The following CACNA1D variants were observed in gnomAD, a reference collection of about 807,000 sequenced individuals.
The protein encoded by CACNA1D is voltage-dependent L-type calcium channel subunit alpha-1D.
A neutral mutation model predicts 257.1 loss-of-function variants in CACNA1D; 55 were observed. That is an observed-to-expected ratio of 0.21 (90% CI 0.17 to 0.27). The LOEUF (loss-of-function observed/expected upper bound fraction) is 0.27. Among genes scored for constraint, CACNA1D ranks in the 10% least tolerant of loss-of-function variants. The probability of loss-of-function intolerance (pLI) is 1.00; values close to 1 mark genes in which losing one functional copy is unlikely to be tolerated. For missense variants in CACNA1D, 1,876 were observed against 2,784.0 expected (o/e 0.67, Z 7.34); for synonymous variants, 980 against 1,014.9 (o/e 0.97, Z 0.65).
At chr3:53,633,811 T>G (rs77848000) in intron 3 of CACNA1D, among the ~76,000 whole-genome samples, 2,249 of 152,332 alleles carry the variant, frequency 0.015, 24 homozygotes, top group Middle Eastern at 0.027. Flanking sequence ...GATGGTACAG[T>G]TAAGCTATTT....
Position 53,679,767 on chromosome 3 carries a change from G to T in CACNA1D, c.1220+6641G>T, listed in dbSNP as rs528325971. 4 of 152,334 alleles carry T rather than the reference G, an allele frequency of 2.6e-5. No homozygotes were observed. In the East Asian group the frequency reaches 5.8e-4, roughly 22 times the overall value. The allele number at this position is 152,334 out of a possible 1,614,324, so 9.4% of individuals were successfully genotyped here. ...GTCTTTGGTTTGAAGAGGCTAATAC[G>T]TGAAAGATTTGTTCACAGTTGGATG... On this transcript the variant is annotated intron_variant, in intron 8 of 47. Transcript: ENST00000350061.
At chr3:53,581,203 C>T (rs1559872440) in intron 3 of CACNA1D, among the ~76,000 whole-genome samples, 1 of 152,182 alleles carries the variant, frequency 6.6e-6, no homozygotes, top group Non-Finnish European at 1.5e-5. Flanking sequence ...GATATATGCT[C>T]GGATCCCCAT....
intron 3 of CACNA1D, among the ~76,000 whole-genome samples, chr3:53,591,419 A>T (rs1040195841): frequency 2.6e-5 from 4 of 151,866 alleles, no homozygotes; most frequent in African/African-American, 9.7e-5. Context: ...CGCCCCGCTA[A>T]TTTTTTGAAT....
intron 4 of CACNA1D, among the ~76,000 whole-genome samples, chr3:53,655,019 C>T (rs2094134943): frequency 6.6e-6 from 1 of 152,068 alleles, no homozygotes; most frequent in Non-Finnish European, 1.5e-5. Context: ...TTCTTTGTGT[C>T]CATGTGTTCT....
At chr3:53,547,705 G>C (rs565574121) in intron 3 of CACNA1D, among the ~76,000 whole-genome samples, 1 of 152,310 alleles carries the variant, frequency 6.6e-6, no homozygotes, top group South Asian at 2.1e-4. Flanking sequence ...GATTATGGCA[G>C]TGGCCCTTTG....
At chr3:53,536,158 A>G (rs2092109434) in intron 3 of CACNA1D, among the ~76,000 whole-genome samples, 1 of 152,178 alleles carries the variant, frequency 6.6e-6, no homozygotes, top group Admixed American at 6.5e-5. Context: ...GGAAACTTTG[A>G]AAGGACTCAT....
rs760657346 is a variant in CACNA1D at position 53,770,409 on chromosome 3, A to G, written c.3916-15A>G. 28 of 1,613,424 alleles carry G rather than the reference A, an allele frequency of 1.7e-5. No homozygotes were observed. The highest frequency in any genetic ancestry group is 1.1e-4 in the East Asian group (5 of 44,886). ...ACTTTCCATTGGGTTTGACCTCTCCATGATAACCCTTCAGAACTCTGAAGA... is the reference window on the plus strand; with the variant it reads ...ACTTTCCATTGGGTTTGACCTCTCCGTGATAACCCTTCAGAACTCTGAAGA... On this transcript the variant is annotated splice_polypyrimidine_tract_variant and intron_variant, in intron 31 of 47. Transcript: ENST00000350061.
In CACNA1D at chr3:53,647,260, G is replaced by A. The variant is rs141522142; in HGVS notation, c.484-3519G>A. ...GAAATCCCTGCTGGTGGGTGACTGA[G>A]TGCCACAGGTGTGACTCTGCCTGGC... On this transcript the variant is annotated intron_variant, in intron 3 of 47. Coordinates refer to ENST00000350061, the MANE Select transcript of CACNA1D (RefSeq NM_001128840.3). 7.6e-4 allele frequency among the ~76,000 whole-genome samples: 115 copies of A among 152,290 alleles called. No homozygotes were observed. The East Asian group carries it at 0.019, about 25-fold the overall frequency.
intron 3 of CACNA1D, among the ~76,000 whole-genome samples, chr3:53,610,069 C>G (rs929262935): frequency 6.6e-6 from 1 of 152,176 alleles, no homozygotes. Flanking sequence ...CAATCATTGA[C>G]TTTTAATTCC....
intron 9 of CACNA1D, among the ~76,000 whole-genome samples, chr3:53,704,367 C>T (rs2094662261): frequency 6.6e-6 from 1 of 152,152 alleles, no homozygotes; most frequent in East Asian, 1.9e-4. Flanking sequence ...CTCCCTGCTT[C>T]TTGCCAGGCT....
chr3:53,496,061 ATTGCCCGCCGCTCGCCCGCT>A (rs1411253265), intron 1 of CACNA1D, among the ~76,000 whole-genome samples: 3 of 152,108 alleles, frequency 2.0e-5, no homozygotes, highest in African/African-American at 7.2e-5. Context: ...CCCCGCTCCG[ATTGCCCGCCGCTCGCCCGCT>A]TTGCCCTCTT....
chr3:53,750,454 G>C (rs1048179532), intron 27 of CACNA1D, among the ~76,000 whole-genome samples: 2 of 152,200 alleles, frequency 1.3e-5, no homozygotes, highest in East Asian at 1.9e-4. Context: ...GGTAGCCTAG[G>C]CTTCCTCAGA....
At chr3:53,662,439 CTCTTTCCCTG>C (rs2094213239) in intron 5 of CACNA1D, among the ~76,000 whole-genome samples, 1 of 152,206 alleles carries the variant, frequency 6.6e-6, no homozygotes, top group Non-Finnish European at 1.5e-5. Context: ...TTCTTACCTT[CTCTTTCCCTG>C]TCCTTCCGTG....
intron 3 of CACNA1D, among the ~76,000 whole-genome samples, chr3:53,631,693 A>G (rs2093824090): frequency 6.6e-6 from 1 of 152,236 alleles, no homozygotes; most frequent in Non-Finnish European, 1.5e-5. Flanking sequence ...CTTATGAAAT[A>G]TATTTATTAA....
rs2094903545 is a variant in CACNA1D at position 53,723,631 on chromosome 3, C to T, written c.1864C>T (p.Arg622Cys). ...GGGGATCTCTGTGTTTCGGTGTGTG[C>T]GCCTCTTAAGAATCTTCAAAGTGAC... ...PLGISVFRCV[R>C]LLRIFKVTRH... Residue 622 changes from arginine to cysteine, a missense_variant, in exon 13 of 48, where the codon CGC becomes TGC. This residue lies in a region of CACNA1D where 257 missense variants were observed against 399.7 expected (regional missense o/e 0.64). Transcript: ENST00000350061. The surrounding 1 kb of genome is among the most constrained non-coding windows in gnomAD (Gnocchi z 5.6). 5 of 1,613,804 alleles carry T rather than the reference C, an allele frequency of 3.1e-6. No individual in the cohort carries two copies. The highest frequency in any genetic ancestry group is 1.7e-5 in the Admixed American group (1 of 59,996).
intron 3 of CACNA1D, among the ~76,000 whole-genome samples, chr3:53,553,776 GTC>G (rs1294250450): frequency 6.1e-4 from 92 of 152,000 alleles, no homozygotes; most frequent in African/African-American, 2.1e-3. Flanking sequence ...TTCCCTGGCA[GTC>G]AGTCTTTGCA....
chr3:53,782,338 C>T (rs760605518), intron 39 of CACNA1D: 6 of 139,448 alleles, frequency 4.3e-5, no homozygotes, highest in South Asian at 4.7e-4. Context: ...TGGACTTAGA[C>T]GTTGAGATGG....
At chr3:53,545,663 C>T (rs1238725906) in intron 3 of CACNA1D, among the ~76,000 whole-genome samples, 2 of 152,156 alleles carry the variant, frequency 1.3e-5, no homozygotes, top group Admixed American at 6.5e-5. Flanking sequence ...AGGGCTTGTG[C>T]AGACTGACCT....
At chr3:53,808,284 G>C (rs1168636019) in intron 45 of CACNA1D, 1 of 261,012 alleles carries the variant, frequency 3.8e-6, no homozygotes, top group African/African-American at 2.3e-5. Flanking sequence ...CGTGGTGGCG[G>C]GCGCCTGTAG....
Sources: allele counts gnomAD v4.1 joint callset (sites outside exome capture counted in the v4.1 genomes callset), GRCh38; gene constraint gnomAD v4.1.1; regional missense constraint gnomAD v4.1.1; non-coding constraint Gnocchi (gnomAD v3.1); transcripts MANE v1.5; gene names NCBI Gene and HGNC (gene_info 2026-07-23, HGNC 2026-07-21).